TSHZ3: variants seen among roughly 807,000 people sequenced by gnomAD.
TSHZ3 encodes the protein teashirt homolog 3.
A neutral mutation model predicts 64.5 loss-of-function variants in TSHZ3; 10 were observed. The observed-to-expected ratio is 0.16, with a 90% confidence interval of 0.10 to 0.26. The LOEUF (loss-of-function observed/expected upper bound fraction) is 0.26, where lower values mean the gene tolerates loss of function less well. Ranked by LOEUF, TSHZ3 falls within the 10% of genes least tolerant of loss-of-function variation. TSHZ3 has a pLI of 1.00. For missense variants in TSHZ3, 1,242 were observed against 1,421.7 expected, an observed-to-expected ratio of 0.87 and a Z score of 2.03; for synonymous variants, 608 against 593.1, an observed-to-expected ratio of 1.03 and a Z score of -0.36.
chr19:31,218,325 G>A (rs1374351765), intron 4 of TSHZ3, among the ~76,000 whole-genome samples: 1 of 151,976 alleles, frequency 6.6e-6, no homozygotes, highest in Non-Finnish European at 1.5e-5. Flanking sequence ...TGTCATTAGG[G>A]AGATACAACT....
intron 1 of TSHZ3, among the ~76,000 whole-genome samples, chr19:31,335,764 C>G (rs1917224537): frequency 1.3e-5 from 2 of 152,210 alleles, no homozygotes; most frequent in Non-Finnish European, 2.9e-5. Context: ...GGTGCTTTTG[C>G]TTATCTGGGT....
chr19:31,206,097 ATGGATGGATG>A (rs1975166104), intron 4 of TSHZ3, among the ~76,000 whole-genome samples: 1 of 151,324 alleles, frequency 6.6e-6, no homozygotes, highest in African/African-American at 2.4e-5. Context: ...GGATGGATGG[ATGGATGGATG>A]GATGGATGGA....
intron 5 of TSHZ3, among the ~76,000 whole-genome samples, chr19:31,193,588 C>A (rs1401214274): frequency 6.6e-6 from 1 of 152,178 alleles, no homozygotes; most frequent in Non-Finnish European, 1.5e-5. Context: ...TGAGCCTGAG[C>A]AAGCTGCTTA....
intron 5 of TSHZ3, among the ~76,000 whole-genome samples, chr19:31,185,797 AG>A (rs1974798760): frequency 6.6e-6 from 1 of 152,194 alleles, no homozygotes; most frequent in Non-Finnish European, 1.5e-5. Context: ...CACCCCAGGA[AG>A]TTCCATCATT....
intron 1 of TSHZ3, among the ~76,000 whole-genome samples, chr19:31,304,691 A>C (rs1976810459): frequency 6.6e-6 from 1 of 152,300 alleles, no homozygotes; most frequent in South Asian, 2.1e-4. Context: ...CTGAGGGCTT[A>C]AATATTGCTG....
downstream of TSHZ3, among the ~76,000 whole-genome samples, chr19:31,271,291 G>A (rs1976133898): frequency 6.6e-6 from 1 of 152,078 alleles, no homozygotes; most frequent in African/African-American, 2.4e-5. Flanking sequence ...GTCGCCTCCT[G>A]TCAAATCCTT....
intron 1 of TSHZ3, among the ~76,000 whole-genome samples, chr19:31,299,449 C>T (rs528041719): frequency 2.0e-5 from 3 of 152,214 alleles, no homozygotes; most frequent in Admixed American, 6.5e-5. Flanking sequence ...CTCTGCTGGT[C>T]GCAATTGTGG....
Position 31,298,693 on chromosome 19 carries a change from G to A in TSHZ3, c.41-18941C>T, listed in dbSNP as rs567820285. ...ACCAGCCCGAGAAGGAGCGAGAGCC[G>A]TCCATGGGCTCCATGTCATGGATGA... On this transcript the variant is annotated intron_variant, in intron 1 of 1. Coordinates refer to ENST00000240587, the MANE Select transcript of TSHZ3 (RefSeq NM_020856.4). Among the ~76,000 whole-genome samples, 8 of 152,074 alleles carry A rather than the reference G, an allele frequency of 5.3e-5. No individual in the cohort carries two copies. In the South Asian group the frequency reaches 1.0e-3, roughly 20 times the overall value.
At chr19:31,231,452 C>A (rs116933601) in intron 3 of TSHZ3, among the ~76,000 whole-genome samples, 16 of 152,138 alleles carry the variant, frequency 1.1e-4, no homozygotes, top group Admixed American at 1.0e-3. Context: ...GATTCAGCCT[C>A]GTATTATGTA....
intron 1 of TSHZ3, among the ~76,000 whole-genome samples, chr19:31,321,010 G>T (rs1392403297): frequency 6.6e-6 from 1 of 152,198 alleles, no homozygotes; most frequent in African/African-American, 2.4e-5. Context: ...CAGAAGATCT[G>T]CTTCACATTT....
At chr19:31,339,975 G>C (rs1361022265) in intron 1 of TSHZ3, among the ~76,000 whole-genome samples, 8 of 151,350 alleles carry the variant, frequency 5.3e-5, no homozygotes, top group Non-Finnish European at 8.8e-5. Context: ...ATTTTTTAAT[G>C]GCAAAGGGCT....
intron 1 of TSHZ3, among the ~76,000 whole-genome samples, chr19:31,254,262 G>A (rs1975878988): frequency 1.3e-5 from 2 of 152,178 alleles, no homozygotes; most frequent in South Asian, 4.1e-4. Context: ...GTCATGCCTG[G>A]TTAGGGATGC....
chr19:31,258,269 G>A (rs1975938786), intron 1 of TSHZ3, among the ~76,000 whole-genome samples: 1 of 152,132 alleles, frequency 6.6e-6, no homozygotes, highest in Non-Finnish European at 1.5e-5. Flanking sequence ...AGGGTAGAGT[G>A]GCTTTCTCAA....
At chr19:31,238,540 G>A (rs920186293) in intron 3 of TSHZ3, among the ~76,000 whole-genome samples, 1 of 152,162 alleles carries the variant, frequency 6.6e-6, no homozygotes, top group Non-Finnish European at 1.5e-5. Flanking sequence ...ACAGGCGTGA[G>A]CCATTGTGCC....
At chr19:31,329,104 C>G (rs373476927) in intron 1 of TSHZ3, among the ~76,000 whole-genome samples, 1 of 152,124 alleles carries the variant, frequency 6.6e-6, no homozygotes, top group Admixed American at 6.5e-5. Context: ...AATCTTCATG[C>G]GGCACATGTA....
At chr19:31,349,793 G>A (rs1322817521), upstream of TSHZ3, among the ~76,000 whole-genome samples, 4 of 147,160 alleles carry the variant, frequency 2.7e-5, no homozygotes, top group African/African-American at 5.0e-5. Flanking sequence ...CCCGGGGCTC[G>A]GCGGTCCAGT....
chr19:31,200,043 C>T (rs1975056371), intron 5 of TSHZ3, among the ~76,000 whole-genome samples: 1 of 151,792 alleles, frequency 6.6e-6, no homozygotes, highest in Non-Finnish European at 1.5e-5. Flanking sequence ...ATTCGAATGG[C>T]TAAAATGGGT....
chr19:31,325,251 C>T (rs1393038882), intron 1 of TSHZ3, among the ~76,000 whole-genome samples: 1 of 152,146 alleles, frequency 6.6e-6, no homozygotes, highest in Admixed American at 6.5e-5. Context: ...TTTCACTGGT[C>T]GGGACCGGCC....
rs747497146 is a variant in TSHZ3, at chr19:31,279,322, G to GCTGCTGCTA, written c.462_470dup (p.Ser157_Ser159dup). 7 of 1,613,792 alleles carry GCTGCTGCTA rather than the reference G, an allele frequency of 4.3e-6. No individual in the cohort carries two copies. The African/African-American group carries it at 5.3e-5, about 12-fold the overall frequency. On this transcript the variant is annotated inframe_insertion, in exon 2 of 2. Transcript: ENST00000240587. The surrounding 1 kb of genome is among the most constrained non-coding windows in gnomAD (Gnocchi z 6.4). Reference sequence around the variant, plus strand: ...CGAAGCTCCCGCTGCCACAGCTGCTGCTGCTGCTACTGCTGCTGCTGCTGC... The same window carrying GCTGCTGCTA: ...CGAAGCTCCCGCTGCCACAGCTGCTGCTGCTGCTACTGCTGCTACTGCTGCTGCTGCTGC...
Sources: allele counts gnomAD v4.1 joint callset (sites outside exome capture counted in the v4.1 genomes callset), GRCh38; gene constraint gnomAD v4.1.1; non-coding constraint Gnocchi (gnomAD v3.1); transcripts MANE v1.5; gene names NCBI Gene and HGNC (gene_info 2026-07-23, HGNC 2026-07-21).